Variants in CHCHD4 observed in about 807,000 individuals in gnomAD.
CHCHD4 encodes mitochondrial intermembrane space import and assembly protein 40.
Under a neutral mutation model 12.4 loss-of-function variants are expected in CHCHD4, and 7 were observed. The ratio of observed to expected loss-of-function variants is 0.57; its 90% confidence interval spans 0.32 to 1.06. CHCHD4 has a LOEUF of 1.06. Among genes scored for constraint, CHCHD4 ranks in the 50% least tolerant of loss-of-function variants. The pLI, the probability that CHCHD4 is intolerant of heterozygous loss-of-function variation, is 0.04. For synonymous variants in CHCHD4, 56 were observed against 58.0 expected, an observed-to-expected ratio of 0.97 and a Z score of 0.16; for missense variants, 143 against 175.1, an observed-to-expected ratio of 0.82 and a Z score of 1.03.
At chr3:14,122,018 C>A (rs775945383) in intron 1 of CHCHD4, 4 of 1,613,440 alleles carry the variant, frequency 2.5e-6, no homozygotes, top group Non-Finnish European at 3.4e-6. Flanking sequence ...TACCTTTGTC[C>A]CTGACAAAGA....
Position 14,124,757 on chromosome 3 carries a change from G to A in CHCHD4, c.-81C>T. On this transcript the variant is annotated 5_prime_UTR_variant, in exon 1 of 3. Coordinates refer to ENST00000396914, the MANE Select transcript of CHCHD4 (RefSeq NM_001098502.2). ...TTACGCCGTGACCTCCCTCTCCTCT[G>A]GCAGGGCGGGCTCCTCCGAAGCCCG... is the stretch of plus-strand genomic sequence containing the variant. 9 of 1,435,286 alleles carry A rather than the reference G, an allele frequency of 6.3e-6. No individual in the cohort carries two copies. The highest frequency in any genetic ancestry group is 8.4e-6 in the Non-Finnish European group (9 of 1,077,054). The allele number at this position is 1,435,286 out of a possible 1,614,324, so 88.9% of individuals were successfully genotyped here.
intron 1 of CHCHD4, among the ~76,000 whole-genome samples, chr3:14,118,449 GACA>G (rs1694898547): frequency 6.6e-6 from 1 of 152,264 alleles, no homozygotes; most frequent in South Asian, 2.1e-4. Flanking sequence ...AGGGGGCAGT[GACA>G]ACAAAAACCG....
At chr3:14,123,564 C>T (rs774864271) in intron 1 of CHCHD4, among the ~76,000 whole-genome samples, 1 of 152,180 alleles carries the variant, frequency 6.6e-6, no homozygotes, top group Non-Finnish European at 1.5e-5. Flanking sequence ...AGGTAGGCCA[C>T]CTCCTTCTCT....
At chr3:14,121,331 C>T (rs1473376784) in intron 1 of CHCHD4, among the ~76,000 whole-genome samples, 2 of 152,126 alleles carry the variant, frequency 1.3e-5, no homozygotes, top group Non-Finnish European at 1.5e-5. Flanking sequence ...AGTGTTTGTC[C>T]GAGATGACGC....
chr3:14,123,461 AGAG>A (rs1694962328), intron 1 of CHCHD4, among the ~76,000 whole-genome samples: 1 of 150,364 alleles, frequency 6.7e-6, no homozygotes, highest in South Asian at 2.1e-4. Flanking sequence ...TTTACGACCC[AGAG>A]GAGGAGAGGT....
intron 1 of CHCHD4, among the ~76,000 whole-genome samples, chr3:14,122,760 T>C (rs1475701052): frequency 4.0e-5 from 6 of 151,666 alleles, no homozygotes; most frequent in Admixed American, 2.6e-4. Flanking sequence ...TGGCAAAAAA[T>C]AAAAAAGGTC....
chr3:14,115,582 G>A (rs1045808255), intron 2 of CHCHD4, among the ~76,000 whole-genome samples: 1 of 152,174 alleles, frequency 6.6e-6, no homozygotes, highest in African/African-American at 2.4e-5. Flanking sequence ...TGTATTTTAT[G>A]CTTTAACCCC....
Position 14,124,770 on chromosome 3 carries a change from C to G in CHCHD4, c.-94G>C. ...TCCCTCTCCTCTGGCAGGGCGGGCT[C>G]CTCCGAAGCCCGCGCGGACCCGCCC... On this transcript the variant is annotated 5_prime_UTR_variant, in exon 1 of 3. Coordinates refer to ENST00000396914, the MANE Select transcript of CHCHD4 (RefSeq NM_001098502.2). The G allele has an allele frequency of 2.2e-6, 3 of 1,366,066 alleles. No individual in the cohort carries two copies. The highest frequency in any genetic ancestry group is 2.8e-5 in the South Asian group (2 of 70,390). 84.6% of individuals were successfully genotyped at this position (1,366,066 alleles called of 1,614,324 possible).
In CHCHD4 at chr3:14,113,007, G is replaced by T; in HGVS notation, c.309C>A (p.Asp103Glu). 1 of 1,613,912 alleles carries T rather than the reference G, an allele frequency of 6.2e-7. No individual in the cohort carries two copies. The highest frequency in any genetic ancestry group is 2.2e-5 in the East Asian group (1 of 44,854). ...AMQECMQKYP[D>E]LYPQEDEDEE... is the part of the protein sequence containing the mutation. ...CATCCTCATCCTCTTGGGGATAGAG[G>T]TCTGGGTATTTCTGCATGCATTCCT... is the stretch of plus-strand genomic sequence containing the variant. The change falls in exon 3 of 3, where the codon GAC becomes GAA. Residue 103 changes from aspartate (D) to glutamate (E), a missense_variant. Physicochemically the swap from Asp to Glu is conservative, Grantham distance 45. Coordinates refer to ENST00000396914, the MANE Select transcript of CHCHD4 (RefSeq NM_001098502.2).
chr3:14,113,148 A>C lies in CHCHD4; in HGVS notation c.168T>G (p.Leu56=), dbSNP rs771762434. 6.2e-7 allele frequency: 1 copy of C among 1,613,896 alleles called. No individual in the cohort carries two copies. Among genetic ancestry groups the C allele is most frequent in the Non-Finnish European group, 8.5e-7 (1 of 1,179,912 alleles). Residue 56 remains leucine, a synonymous_variant, in exon 3 of 3, where the codon CTT becomes CTG. Coordinates refer to ENST00000396914, the MANE Select transcript of CHCHD4 (RefSeq NM_001098502.2). Reference sequence around the variant, plus strand: ...CACAGGGACCGCTGGCCATTCCCCCAAGGCATGGGCAGTTCCAGTTAATGT... The same window carrying C: ...CACAGGGACCGCTGGCCATTCCCCCCAGGCATGGGCAGTTCCAGTTAATGT... The part of the protein sequence containing the change: ...NGNINWNCPC[L]GGMASGPCGE...
chr3:14,117,679 A>G (rs919393423), intron 1 of CHCHD4, among the ~76,000 whole-genome samples: 1 of 152,156 alleles, frequency 6.6e-6, no homozygotes, highest in African/African-American at 2.4e-5. Flanking sequence ...CAGAGAACAG[A>G]CAGAGCCAGT....
At chr3:14,120,106 C>T (rs1186361271) in intron 1 of CHCHD4, among the ~76,000 whole-genome samples, 2 of 152,130 alleles carry the variant, frequency 1.3e-5, no homozygotes, top group African/African-American at 4.8e-5. Context: ...AGTCCCCACC[C>T]CAGAACCTTG....
In CHCHD4 at chr3:14,112,797, C is replaced by T; in HGVS notation, c.*90G>A. On this transcript the variant is annotated 3_prime_UTR_variant, in exon 3 of 3. Transcript: ENST00000396914. ...TTGTATATTATAATGCACAGGACAACAGAAGGAAACTTTCTTGGAAGGTGA... is the reference window on the plus strand; with the variant it reads ...TTGTATATTATAATGCACAGGACAATAGAAGGAAACTTTCTTGGAAGGTGA... 8.2e-7 allele frequency: 1 copy of T among 1,222,436 alleles called. No homozygotes were observed. The highest frequency in any genetic ancestry group is 1.1e-6 in the Non-Finnish European group (1 of 876,162). The allele number at this position is 1,222,436 out of a possible 1,614,324, so 75.7% of individuals were successfully genotyped here.
At position 14,124,743 on chromosome 3, in the gene CHCHD4, C is replaced by G; in HGVS notation, c.-67G>C. On this transcript the variant is annotated 5_prime_UTR_variant, in exon 1 of 3. Coordinates refer to ENST00000396914, the MANE Select transcript of CHCHD4 (RefSeq NM_001098502.2). Reference sequence around the variant, plus strand: ...CGGCAGCTGCACCTTTACGCCGTGACCTCCCTCTCCTCTGGCAGGGCGGGC... The same window carrying G: ...CGGCAGCTGCACCTTTACGCCGTGAGCTCCCTCTCCTCTGGCAGGGCGGGC... 5 of 1,476,340 alleles carry G rather than the reference C, an allele frequency of 3.4e-6. No homozygotes were observed. Among genetic ancestry groups the G allele is most frequent in the Non-Finnish European group, 4.5e-6 (5 of 1,106,430 alleles). 91.5% of individuals were successfully genotyped at this position (1,476,340 alleles called of 1,614,324 possible).
intron 1 of CHCHD4, among the ~76,000 whole-genome samples, chr3:14,117,217 C>T (rs1279612041): frequency 1.3e-5 from 2 of 152,228 alleles, no homozygotes; most frequent in Non-Finnish European, 2.9e-5. Context: ...AAGTGCAGAG[C>T]ACCTTGTTCA....
Position 14,121,389 on chromosome 3 carries a change from T to G in CHCHD4, c.22+3266A>C, listed in dbSNP as rs181005275. Among the ~76,000 whole-genome samples, 15 of 152,348 alleles carry G rather than the reference T, an allele frequency of 9.8e-5. No homozygotes were observed. The East Asian group carries it at 2.9e-3, about 29-fold the overall frequency. ...CCCAGCAGAAAGCAGGAAGACAGAATGGTTATCACCATTAAGTGAGTGAGA... is the reference window on the plus strand; with the variant it reads ...CCCAGCAGAAAGCAGGAAGACAGAAGGGTTATCACCATTAAGTGAGTGAGA... On this transcript the variant is annotated intron_variant, in intron 1 of 2. Coordinates refer to ENST00000396914, the MANE Select transcript of CHCHD4 (RefSeq NM_001098502.2).
intron 2 of CHCHD4, among the ~76,000 whole-genome samples, chr3:14,115,480 T>G (rs1694867962): frequency 6.6e-6 from 1 of 152,256 alleles, no homozygotes; most frequent in Non-Finnish European, 1.5e-5. Context: ...ATGTAAGCCC[T>G]GATCAAGATT....
chr3:14,124,299 G>C (rs1694975798), intron 1 of CHCHD4, among the ~76,000 whole-genome samples: 1 of 152,160 alleles, frequency 6.6e-6, no homozygotes, highest in Non-Finnish European at 1.5e-5. Flanking sequence ...TGGCAGGAGC[G>C]GTAGTGATAA....
intron 2 of CHCHD4, 78 bp from the exon 3 acceptor site, chr3:14,113,272 G>A: frequency 8.1e-7 from 1 of 1,227,186 alleles, no homozygotes. Flanking sequence ...AGGCTACTGA[G>A]GGGGTGCAGA....
Sources: gnomAD v4.1 joint callset for allele counts (sites outside exome capture counted in the v4.1 genomes callset) on GRCh38, gnomAD v4.1.1 for gene constraint, MANE v1.5 for transcripts, NCBI Gene and HGNC (gene_info 2026-07-23, HGNC 2026-07-21) for gene names.